Variants in ARHGAP31 observed in about 807,000 individuals in gnomAD.
ARHGAP31 encodes the protein rho GTPase-activating protein 31.
Under a neutral mutation model 113.9 loss-of-function variants are expected in ARHGAP31, and 34 were observed. The observed-to-expected ratio is 0.30, with a 90% confidence interval of 0.23 to 0.40. The LOEUF is 0.40. Ranked by LOEUF, ARHGAP31 falls within the 10% of genes least tolerant of loss-of-function variation. ARHGAP31 has a pLI of 1.00. For missense variants in ARHGAP31, 1,548 were observed against 1,767.1 expected (o/e 0.88, Z 2.22); for synonymous variants, 650 against 684.8 (o/e 0.95, Z 0.79).
In ARHGAP31 at chr3:119,416,173, G is replaced by A; in HGVS notation, c.4244G>A (p.Gly1415Asp). The A allele has an allele frequency of 1.2e-6, 2 of 1,614,184 alleles. No individual in the cohort carries two copies. The highest frequency in any genetic ancestry group is 1.7e-6 in the Non-Finnish European group (2 of 1,180,030). ...LRNKMTIPKNGQRLETSTSCF... is the reference protein window; with the variant it reads ...LRNKMTIPKNDQRLETSTSCF... ...AATAAAATGACCATCCCTAAGAATG[G>A]CCAGAGACTAGAGACCTCAACCAGC... is the stretch of plus-strand genomic sequence containing the variant. The change falls in exon 12 of 12, where the codon GGC becomes GAC. Residue 1415 changes from glycine (G) to aspartate (D), a missense_variant. Coordinates refer to ENST00000264245, the MANE Select transcript of ARHGAP31 (RefSeq NM_020754.4).
intron 3 of ARHGAP31, among the ~76,000 whole-genome samples, chr3:119,371,217 G>A (rs1234235712): frequency 6.6e-6 from 1 of 152,110 alleles, no homozygotes; most frequent in Non-Finnish European, 1.5e-5. Flanking sequence ...GGGGTAGATA[G>A]GAATTCTTTG....
At chr3:119,309,722 T>G (rs1458140706) in intron 1 of ARHGAP31, among the ~76,000 whole-genome samples, 1 of 152,042 alleles carries the variant, frequency 6.6e-6, no homozygotes, top group East Asian at 1.9e-4. Context: ...ATCATGCCAC[T>G]GCATTCCAGC....
chr3:119,352,780 A>G (rs1166632267), intron 1 of ARHGAP31, among the ~76,000 whole-genome samples: 4 of 152,196 alleles, frequency 2.6e-5, no homozygotes, highest in African/African-American at 9.7e-5. Flanking sequence ...TCATCAAGGT[A>G]GTGTTTTAGA....
chr3:119,359,362 G>A (rs2080185737), intron 1 of ARHGAP31, among the ~76,000 whole-genome samples: 1 of 151,864 alleles, frequency 6.6e-6, no homozygotes, highest in African/African-American at 2.4e-5. Context: ...TGCTTAAAAG[G>A]AAACTTTTCT....
At chr3:119,339,528 G>A (rs1481019448) in intron 1 of ARHGAP31, among the ~76,000 whole-genome samples, 1 of 152,130 alleles carries the variant, frequency 6.6e-6, no homozygotes, top group African/African-American at 2.4e-5. Flanking sequence ...CAGTACAAAG[G>A]TGGTGTCCTA....
At chr3:119,393,342 G>C in intron 7 of ARHGAP31, 125 bp from the exon 8 acceptor site, 1 of 1,288,596 alleles carries the variant, frequency 7.8e-7, no homozygotes, top group Non-Finnish European at 1.1e-6. Flanking sequence ...ATTTTAGAGG[G>C]GAATTTCTTG....
intron 1 of ARHGAP31, among the ~76,000 whole-genome samples, chr3:119,339,194 A>G (rs1577002024): frequency 6.6e-6 from 1 of 152,218 alleles, no homozygotes; most frequent in East Asian, 1.9e-4. Context: ...AGTGGGAACA[A>G]CAGAAGACCA....
intron 1 of ARHGAP31, among the ~76,000 whole-genome samples, chr3:119,339,458 A>G (rs1283231682): frequency 6.6e-6 from 1 of 152,216 alleles, no homozygotes; most frequent in Non-Finnish European, 1.5e-5. Flanking sequence ...ACAGTCTTGA[A>G]AAAGAAAGAT....
rs118113819 is a variant in ARHGAP31, at chr3:119,368,123, G to A, written c.204-249G>A. 3.9e-3 allele frequency among the ~76,000 whole-genome samples: 592 copies of A among 152,202 alleles called. 16 individuals are homozygous for A. In the East Asian group the frequency reaches 0.053, roughly 14 times the overall value. ...ACCAAGACTGCAGACCTGATGCCAC[G>A]GGTAATCCATTTGTAAATGAGCATT... On this transcript the variant is annotated intron_variant, in intron 2 of 11. Transcript: ENST00000264245.
chr3:119,300,613 G>A (rs2079572827), intron 1 of ARHGAP31, among the ~76,000 whole-genome samples: 1 of 152,038 alleles, frequency 6.6e-6, no homozygotes, highest in Admixed American at 6.5e-5. Flanking sequence ...TAGATCACTT[G>A]AGGTCAGACG....
intron 1 of ARHGAP31, chr3:119,324,826 A>T: frequency 2.3e-6 from 1 of 432,236 alleles, no homozygotes; most frequent in Non-Finnish European, 4.6e-6. Flanking sequence ...CTTTTAATGG[A>T]CGACTCCTTT....
In ARHGAP31 at chr3:119,399,431, A is replaced by G. The variant is rs550735466; in HGVS notation, c.1069+170A>G. Among the ~76,000 whole-genome samples the G allele has an allele frequency of 2.6e-5, 4 of 152,352 alleles. No homozygotes were observed. The South Asian group carries it at 8.3e-4, about 32-fold the overall frequency. On this transcript the variant is annotated intron_variant, in intron 9 of 11. Coordinates refer to ENST00000264245, the MANE Select transcript of ARHGAP31 (RefSeq NM_020754.4). ...TAACTCAAGGGGTTCACATAGCCCC[A>G]TAACCTCCCCTACCTTACTCCAGGG...
Position 119,369,102 on chromosome 3 carries a change from T to C in ARHGAP31, c.348+586T>C, listed in dbSNP as rs114104164. On this transcript the variant is annotated intron_variant, in intron 3 of 11. Transcript: ENST00000264245. ...GATGGGCATTAGCAAAACACCTAAG[T>C]AGCAGCTGTATGGTCACCAAATAGG... Among the ~76,000 whole-genome samples, 1,384 of 152,256 alleles carry C rather than the reference T, an allele frequency of 9.1e-3. 31 individuals carry two copies. The highest frequency in any genetic ancestry group is 0.074 in the South Asian group (357 of 4,818).
intron 1 of ARHGAP31, among the ~76,000 whole-genome samples, chr3:119,363,872 C>T (rs560830404): frequency 2.6e-5 from 4 of 152,238 alleles, no homozygotes; most frequent in Admixed American, 6.5e-5. Context: ...GTGGCAGCCT[C>T]GAGAAGCCAC....
intron 1 of ARHGAP31, among the ~76,000 whole-genome samples, chr3:119,318,806 C>G (rs1411278058): frequency 1.3e-5 from 2 of 152,032 alleles, no homozygotes; most frequent in African/African-American, 2.4e-5. Context: ...TCTGGTAGTA[C>G]AGAATGCAGT....
chr3:119,405,184 C>T (rs1559995166), intron 10 of ARHGAP31, among the ~76,000 whole-genome samples: 1 of 152,046 alleles, frequency 6.6e-6, no homozygotes, highest in East Asian at 1.9e-4. Context: ...ATTTGTTTTG[C>T]CCTATTTTTT....
Position 119,413,980 on chromosome 3 carries a change from C to G in ARHGAP31, c.2051C>G (p.Pro684Arg). ...PPALKTSPIQ[P>R]ILESSLGPFI... ...GCTCTGAAGACCAGCCCAATTCAGC[C>G]TATTCTCGAGTCGAGTCTGGGGCCC... The change falls in exon 12 of 12, where the codon CCT (proline) becomes CGT (arginine). Residue 684 changes from proline to arginine, a missense_variant. By Grantham distance (103) the Pro-to-Arg change is moderately radical. Coordinates refer to ENST00000264245, the MANE Select transcript of ARHGAP31 (RefSeq NM_020754.4). 6.2e-7 allele frequency: 1 copy of G among 1,614,194 alleles called. No homozygotes were observed. The highest frequency in any genetic ancestry group is 8.5e-7 in the Non-Finnish European group (1 of 1,180,036).
At chr3:119,342,589 CA>C (rs1284992467) in intron 1 of ARHGAP31, among the ~76,000 whole-genome samples, 1 of 151,970 alleles carries the variant, frequency 6.6e-6, no homozygotes, top group Non-Finnish European at 1.5e-5. Flanking sequence ...TAATAAATGC[CA>C]AAAAAATAAG....
chr3:119,407,255 G>C (rs1424515727), intron 10 of ARHGAP31, among the ~76,000 whole-genome samples: 1 of 150,330 alleles, frequency 6.7e-6, no homozygotes, highest in Non-Finnish European at 1.5e-5. Context: ...GTTGAGGCAG[G>C]AGAATCACTT....
Sources: allele counts gnomAD v4.1 joint callset (sites outside exome capture counted in the v4.1 genomes callset), GRCh38; gene constraint gnomAD v4.1.1; transcripts MANE v1.5; gene names NCBI Gene and HGNC (gene_info 2026-07-23, HGNC 2026-07-21).